Variants in SLC3A1 observed in about 807,000 individuals in gnomAD.
SLC3A1 encodes the protein solute carrier family 3 member 1.
Under a neutral mutation model 60.3 loss-of-function variants are expected in SLC3A1, and 78 were observed. The ratio of observed to expected loss-of-function variants is 1.29; its 90% CI spans 1.08 to 1.56. The LOEUF (loss-of-function observed/expected upper bound fraction) is 1.56, where lower values mean the gene tolerates loss of function less well. SLC3A1 is among the 40% of genes most tolerant of loss of function. The probability of loss-of-function intolerance (pLI) is 0.00; values close to 1 mark genes in which losing one functional copy is unlikely to be tolerated. For synonymous variants in SLC3A1, 392 were observed against 307.9 expected, an observed-to-expected ratio of 1.27 and a Z score of -2.86; for missense variants, 1,172 against 858.9, an observed-to-expected ratio of 1.36 and a Z score of -4.56.
intron 6 of SLC3A1, chr2:44,303,903 C>T (rs924786512): frequency 6.0e-5 from 37 of 614,466 alleles, no homozygotes; most frequent in Non-Finnish European, 1.0e-4. Flanking sequence ...CTGCAAAGGA[C>T]ATGGACTCAT....
chr2:44,285,841 A>C, intron 3 of SLC3A1, 191 bp from the exon 4 acceptor site: 1 of 726,554 alleles, frequency 1.4e-6, no homozygotes, highest in Non-Finnish European at 2.5e-6. Context: ...CGTTGCAACC[A>C]TGTTTGTGAG....
intron 4 of SLC3A1, among the ~76,000 whole-genome samples, chr2:44,290,232 TTGACCA>T (rs1031425149): frequency 5.3e-5 from 8 of 151,902 alleles, no homozygotes; most frequent in Admixed American, 5.3e-4. Context: ...TGAAAATCAA[TTGACCA>T]TAAATGCATG....
intron 9 of SLC3A1, among the ~76,000 whole-genome samples, chr2:44,317,326 G>T (rs988144932): frequency 6.6e-6 from 1 of 152,074 alleles, no homozygotes; most frequent in African/African-American, 2.4e-5. Flanking sequence ...GCTGGGCATA[G>T]TGGCACACAC....
intron 4 of SLC3A1, among the ~76,000 whole-genome samples, chr2:44,288,631 A>G (rs1393777019): frequency 2.0e-5 from 3 of 152,152 alleles, no homozygotes; most frequent in African/African-American, 7.2e-5. Context: ...TAAGCGTTCT[A>G]ATTTCTCCAC....
chr2:44,303,005 C>T (rs1033212707), intron 6 of SLC3A1, among the ~76,000 whole-genome samples: 1 of 151,896 alleles, frequency 6.6e-6, no homozygotes, highest in African/African-American at 2.4e-5. Flanking sequence ...TTGAGACCAG[C>T]CTGGCCAACA....
intron 7 of SLC3A1, among the ~76,000 whole-genome samples, chr2:44,312,183 T>TTTA (rs1672314733): frequency 1.3e-5 from 2 of 152,212 alleles, no homozygotes; most frequent in African/African-American, 4.8e-5. Flanking sequence ...GAATAATTCA[T>TTTA]AAGTCAAAAC....
At chr2:44,306,050 G>A (rs1242246328) in intron 7 of SLC3A1, among the ~76,000 whole-genome samples, 1 of 152,178 alleles carries the variant, frequency 6.6e-6, no homozygotes, top group Non-Finnish European at 1.5e-5. Flanking sequence ...ACCTCACACG[G>A]AGGTGCTCAG....
At chr2:44,280,603 T>G (rs1183763116) in intron 1 of SLC3A1, 113 bp from the exon 2 acceptor site, 1 of 743,932 alleles carries the variant, frequency 1.3e-6, no homozygotes, top group African/African-American at 1.8e-5. Context: ...AACAAAATTC[T>G]AAGTATTTTT....
rs375663080 is a variant in SLC3A1 at position 44,275,783 on chromosome 2, G to T, written c.248G>T (p.Arg83Leu). Residue 83 changes from arginine to leucine, a missense_variant, in exon 1 of 10, where the codon CGC becomes CTC. Physicochemically the swap from Arg to Leu is moderately radical, Grantham distance 102. Coordinates refer to ENST00000260649, the MANE Select transcript of SLC3A1 (RefSeq NM_000341.4). Reference sequence around the variant, plus strand: ...CAGTTCTCTGGCCAGGCCCGCTACCGCATACCTCGGGAGATCCTCTTCTGG... The same window carrying T: ...CAGTTCTCTGGCCAGGCCCGCTACCTCATACCTCGGGAGATCCTCTTCTGG... Reference protein sequence around the residue: ...LFQFSGQARYRIPREILFWLT... With the variant: ...LFQFSGQARYLIPREILFWLT... 1.2e-6 allele frequency: 2 copies of T among 1,614,112 alleles called. No individual in the cohort carries two copies. The highest frequency in any genetic ancestry group is 1.7e-6 in the Non-Finnish European group (2 of 1,180,044).
chr2:44,321,385 C>G lies in SLC3A1; in HGVS notation c.*746C>G, dbSNP rs892455452. On this transcript the variant is annotated 3_prime_UTR_variant, in exon 10 of 10. Coordinates refer to ENST00000260649, the MANE Select transcript of SLC3A1 (RefSeq NM_000341.4). The stretch of plus-strand genomic sequence containing the variant: ...AATTTCAGGTATTTCTTAAGATCCT[C>G]GAAAACACTGGTGCTGTCAAGTCCA... 6.2e-7 allele frequency: 1 copy of G among 1,612,066 alleles called. No individual in the cohort carries two copies. The highest frequency in any genetic ancestry group is 8.5e-7 in the Non-Finnish European group (1 of 1,178,490).
intron 4 of SLC3A1, among the ~76,000 whole-genome samples, chr2:44,299,555 T>C (rs1021688447): frequency 2.6e-5 from 4 of 152,206 alleles, no homozygotes; most frequent in African/African-American, 7.2e-5. Flanking sequence ...TATTTAACTA[T>C]TGAACAATGT....
intron 3 of SLC3A1, among the ~76,000 whole-genome samples, chr2:44,284,200 C>A (rs369767182): frequency 2.0e-5 from 3 of 152,166 alleles, no homozygotes; most frequent in East Asian, 3.8e-4. Context: ...CTGCCTCAGC[C>A]TCTCAAGTAG....
At chr2:44,297,303 G>C (rs1350404113) in intron 4 of SLC3A1, among the ~76,000 whole-genome samples, 2 of 152,218 alleles carry the variant, frequency 1.3e-5, no homozygotes. Context: ...GGAGAGGCTG[G>C]CTGTGGGGTT....
At chr2:44,293,523 G>A (rs6760665) in intron 4 of SLC3A1, among the ~76,000 whole-genome samples, 26,371 of 108,806 alleles carry the variant, frequency 0.24, 3,189 homozygotes, top group African/African-American at 0.41. Flanking sequence ...TTTTAGGGGG[G>A]AAAAAAAAAA....
intron 5 of SLC3A1, among the ~76,000 whole-genome samples, chr2:44,300,471 G>T (rs1671974791): frequency 6.6e-6 from 1 of 152,112 alleles, no homozygotes; most frequent in African/African-American, 2.4e-5. Context: ...GATTCTAGGA[G>T]ATTATTGTCA....
At chr2:44,311,528 G>C (rs1177879717) in intron 7 of SLC3A1, among the ~76,000 whole-genome samples, 1 of 152,040 alleles carries the variant, frequency 6.6e-6, no homozygotes, top group African/African-American at 2.4e-5. Flanking sequence ...TCCTTTCCCA[G>C]TGTTTGTTGT....
intron 1 of SLC3A1, among the ~76,000 whole-genome samples, chr2:44,276,814 G>C (rs1035442649): frequency 1.3e-5 from 2 of 152,190 alleles, no homozygotes; most frequent in Non-Finnish European, 2.9e-5. Context: ...ATACTTCAGA[G>C]TAAAATTATG....
chr2:44,296,013 A>G (rs1361052701), intron 4 of SLC3A1, among the ~76,000 whole-genome samples: 1 of 152,226 alleles, frequency 6.6e-6, no homozygotes, highest in Non-Finnish European at 1.5e-5. Context: ...TGAGCAAAGA[A>G]GGGGAGTTAG....
At position 44,301,035 on chromosome 2, in the gene SLC3A1, TG is replaced by T. The variant is rs751835087; in HGVS notation, c.1045del (p.Asp349ThrfsTer46). ...TVTQYSELYH[D>X]FTTTQVGMHD... ...TCACACAATACTCGGAGCTGTACCA[TG>T]ACTTCACCACCACGCAGGTGGGAAT... On this transcript the variant is annotated frameshift_variant, in exon 6 of 10. Transcript: ENST00000260649. LOFTEE classifies it high-confidence loss of function. 3.1e-6 allele frequency: 5 copies of T among 1,614,052 alleles called. No homozygotes were observed. In the East Asian group the frequency reaches 1.1e-4, roughly 36 times the overall value.
Sources: allele counts gnomAD v4.1 joint callset (sites outside exome capture counted in the v4.1 genomes callset), GRCh38; gene constraint gnomAD v4.1.1; transcripts MANE v1.5; gene names NCBI Gene and HGNC (gene_info 2026-07-23, HGNC 2026-07-21).